KIAA1549: variants seen among roughly 807,000 people sequenced by gnomAD.
The protein encoded by KIAA1549 is KIAA1549, also known as UPF0606 protein KIAA1549.
KIAA1549 carries 70 observed loss-of-function variants against 156.4 expected under a neutral mutation model. That is an observed-to-expected ratio of 0.45 (90% CI 0.37 to 0.55). The LOEUF is 0.55. Among genes scored for constraint, KIAA1549 ranks in the 20% least tolerant of loss-of-function variants. The pLI, the probability that KIAA1549 is intolerant of heterozygous loss-of-function variation, is 0.00. For missense variants in KIAA1549, 2,428 were observed against 2,540.9 expected, an observed-to-expected ratio of 0.96 and a Z score of 0.96; for synonymous variants, 1,103 against 1,066.4, an observed-to-expected ratio of 1.03 and a Z score of -0.67.
At chr7:138,840,346 C>A in intron 18 of KIAA1549, 68 bp from the exon 19 acceptor site, 2 of 1,418,928 alleles carry the variant, frequency 1.4e-6, no homozygotes, top group Non-Finnish European at 1.9e-6. Flanking sequence ...AGGATGGCTG[C>A]CGAGGAAGAC....
intron 1 of KIAA1549, among the ~76,000 whole-genome samples, chr7:138,980,573 T>C (rs555885420): frequency 6.6e-6 from 1 of 152,364 alleles, no homozygotes; most frequent in South Asian, 2.1e-4. Flanking sequence ...TTTCTTTGAA[T>C]GTTCTTTGTG....
At chr7:138,959,801 T>G (rs2130553994) in intron 1 of KIAA1549, among the ~76,000 whole-genome samples, 1 of 152,358 alleles carries the variant, frequency 6.6e-6, no homozygotes, top group Non-Finnish European at 1.5e-5. Flanking sequence ...TAACTTCATT[T>G]GTGAGGATCA....
At chr7:138,840,847 G>A (rs926064013) in intron 18 of KIAA1549, among the ~76,000 whole-genome samples, 3 of 152,072 alleles carry the variant, frequency 2.0e-5, no homozygotes, top group African/African-American at 7.2e-5. Context: ...TCCCACCCCT[G>A]ATGCAACTGT....
In KIAA1549 at chr7:138,835,009, C is replaced by G. The variant is rs1455049106; in HGVS notation, c.*2897G>C. ...AACAACATTTCTCCAAACATTCTGA[C>G]TCAAATTTACAGTTTGTGTTACCAC... On this transcript the variant is annotated 3_prime_UTR_variant, in exon 20 of 20. Coordinates refer to ENST00000422774, the MANE Select transcript of KIAA1549 (RefSeq NM_001164665.2). 1 of 224,964 alleles carries G rather than the reference C, an allele frequency of 4.4e-6. No individual in the cohort carries two copies. Among genetic ancestry groups the G allele is most frequent in the Non-Finnish European group, 8.8e-6 (1 of 113,310 alleles). 13.9% of individuals were successfully genotyped at this position (224,964 alleles called of 1,614,324 possible). A position where few individuals can be genotyped will look rare whatever the true frequency, so the allele number is the denominator to read the frequency against.
At chr7:138,967,980 G>A (rs1814082598) in intron 1 of KIAA1549, among the ~76,000 whole-genome samples, 1 of 152,176 alleles carries the variant, frequency 6.6e-6, no homozygotes, top group African/African-American at 2.4e-5. Flanking sequence ...GACCACTGAG[G>A]CTCCCAGCTC....
At chr7:138,969,510 C>G (rs1473658038) in intron 1 of KIAA1549, among the ~76,000 whole-genome samples, 1 of 152,206 alleles carries the variant, frequency 6.6e-6, no homozygotes, top group African/African-American at 2.4e-5. Context: ...GGCTAGACCA[C>G]ATTTGCAAAA....
chr7:138,908,153 A>G (rs990214293), intron 5 of KIAA1549, among the ~76,000 whole-genome samples: 1 of 152,036 alleles, frequency 6.6e-6, no homozygotes, highest in African/African-American at 2.4e-5. Context: ...CTAACAACAA[A>G]CCAACAGTCT....
At chr7:138,880,366 A>G (rs1811206613) in intron 11 of KIAA1549, among the ~76,000 whole-genome samples, 1 of 152,226 alleles carries the variant, frequency 6.6e-6, no homozygotes, top group Non-Finnish European at 1.5e-5. Flanking sequence ...ATATTAAATA[A>G]TCTTCAATGA....
chr7:138,902,483 A>G (rs1265918342), intron 8 of KIAA1549, among the ~76,000 whole-genome samples: 2 of 152,160 alleles, frequency 1.3e-5, no homozygotes, highest in East Asian at 1.9e-4. Flanking sequence ...AGCAGTTGGT[A>G]AAGAAAAAAA....
intron 15 of KIAA1549, among the ~76,000 whole-genome samples, chr7:138,862,794 A>T (rs73168934): frequency 0.011 from 1,662 of 152,212 alleles, 17 homozygotes; most frequent in Middle Eastern, 0.041. Flanking sequence ...AGCTGGGCGT[A>T]GTGTGCACGC....
rs114423274 is a variant in KIAA1549, at chr7:138,832,063, T to C, written c.*5843A>G. The C allele has an allele frequency of 2.8e-3, 652 of 231,700 alleles. 3 individuals are homozygous for C. The highest frequency in any genetic ancestry group is 0.013 in the African/African-American group (604 of 45,342). The allele number at this position is 231,700 out of a possible 1,614,324, so 14.4% of individuals were successfully genotyped here. A position where few individuals can be genotyped will look rare whatever the true frequency, so the allele number is the denominator to read the frequency against. On this transcript the variant is annotated 3_prime_UTR_variant, in exon 20 of 20. Transcript: ENST00000422774. ...ACTTAGGGAGTCAAGTTATGAATAC[T>C]TGAAATCTGGTAAGTACAGGAAAGA...
intron 10 of KIAA1549, among the ~76,000 whole-genome samples, chr7:138,887,095 A>G (rs1168308674): frequency 1.3e-5 from 2 of 152,178 alleles, no homozygotes; most frequent in Admixed American, 1.3e-4. Flanking sequence ...TTTTTATTAC[A>G]GATGGGGTTT....
Position 138,926,277 on chromosome 7 carries a change from CCTTTTT to C in KIAA1549, c.188-6845_188-6840del, listed in dbSNP as rs201750877. ...ACTTCGCAATCTCCAGCAACTTTTT[CCTTTTT>C]CTTTTTCTTTTTCTTTTTTTTTGAG... is the stretch of plus-strand genomic sequence containing the variant. On this transcript the variant is annotated intron_variant, in intron 1 of 19. Coordinates refer to ENST00000422774, the MANE Select transcript of KIAA1549 (RefSeq NM_001164665.2). 6.9e-4 allele frequency among the ~76,000 whole-genome samples: 104 copies of C among 151,094 alleles called. 1 individual carries two copies. Among genetic ancestry groups the C allele is most frequent in the East Asian group, 5.4e-3 (28 of 5,176 alleles).
At chr7:138,892,014 T>A (rs1327014139) in intron 10 of KIAA1549, among the ~76,000 whole-genome samples, 1 of 152,268 alleles carries the variant, frequency 6.6e-6, no homozygotes, top group Non-Finnish European at 1.5e-5. Context: ...TCTGCAACAC[T>A]GGCAAGGCTT....
In KIAA1549 at chr7:138,911,295, A is replaced by T; in HGVS notation, c.2996T>A (p.Phe999Tyr). 4 of 1,599,354 alleles carry T rather than the reference A, an allele frequency of 2.5e-6. No homozygotes were observed. The highest frequency in any genetic ancestry group is 3.4e-6 in the Non-Finnish European group (4 of 1,172,234). The part of the protein sequence containing the change: ...KVYELFTDFT[F>Y]LVTSGPFVYT... ...AACGAAAGGACCGGATGTTACCAGA[A>T]AAGTGAAGTCAGTAAATAGTTCGTA... The change falls in exon 4 of 20, where the codon TTT becomes TAT. Residue 999 changes from phenylalanine to tyrosine, a missense_variant. This residue lies in a region of KIAA1549 where 762 missense variants were observed against 901.6 expected (regional missense o/e 0.85). Coordinates refer to ENST00000422774, the MANE Select transcript of KIAA1549 (RefSeq NM_001164665.2).
At chr7:138,957,822 G>A (rs1813712976) in intron 1 of KIAA1549, among the ~76,000 whole-genome samples, 1 of 152,070 alleles carries the variant, frequency 6.6e-6, no homozygotes, top group Non-Finnish European at 1.5e-5. Context: ...TGGTATCCCA[G>A]GGTCACTTGC....
rs762057534 is a variant in KIAA1549 at position 138,918,880 on chromosome 7, T to C, written c.746A>G (p.Asn249Ser). Reference protein sequence around the residue: ...SEGIVPTPGRNLVLYPTDAYS... With the variant: ...SEGIVPTPGRSLVLYPTDAYS... ...AGCATCAGTAGGATAAAGCACCAAA[T>C]TCCTGCCAGGAGTTGGAACGATGCC... is the stretch of plus-strand genomic sequence containing the variant. Residue 249 changes from asparagine to serine, a missense_variant, in exon 2 of 20, where the codon AAT (asparagine) becomes AGT (serine). Transcript: ENST00000422774. The surrounding 1 kb of genome is among the most constrained non-coding windows in gnomAD (Gnocchi z 4.2). 1.2e-6 allele frequency: 2 copies of C among 1,614,018 alleles called. No homozygotes were observed. The highest frequency in any genetic ancestry group is 3.3e-5 in the Admixed American group (2 of 60,026).
intron 1 of KIAA1549, among the ~76,000 whole-genome samples, chr7:138,921,296 C>T (rs1048420011): frequency 4.1e-4 from 62 of 152,338 alleles, no homozygotes; most frequent in African/African-American, 1.3e-3. Flanking sequence ...CTGTTGAACT[C>T]TCCTCAGTCT....
intron 12 of KIAA1549, chr7:138,876,366 T>C (rs577570421): frequency 3.1e-4 from 47 of 152,378 alleles, no homozygotes; most frequent in African/African-American, 1.1e-3. Context: ...TTTTAAAATA[T>C]GGAATGCTTC....
Sources: gnomAD v4.1 joint callset for allele counts (sites outside exome capture counted in the v4.1 genomes callset) on GRCh38, gnomAD v4.1.1 for gene constraint, gnomAD v4.1.1 regional missense constraint, Gnocchi (gnomAD v3.1) non-coding constraint, MANE v1.5 for transcripts, NCBI Gene and HGNC (gene_info 2026-07-23, HGNC 2026-07-21) for gene names.